The following AHI1 variants were observed in gnomAD, a reference collection of about 807,000 sequenced individuals.
The protein encoded by AHI1 is jouberin.
A neutral mutation model predicts 149.3 loss-of-function variants in AHI1; 123 were observed. The ratio of observed to expected loss-of-function variants is 0.82; its 90% confidence interval spans 0.71 to 0.96. The LOEUF is 0.96. Among genes scored for constraint, AHI1 ranks in the 40% least tolerant of loss-of-function variants. The pLI is 0.00. For synonymous variants in AHI1, 475 were observed against 459.8 expected (o/e 1.03, Z -0.42); for missense variants, 1,439 against 1,422.7 (o/e 1.01, Z -0.18).
chr6:135,470,212 A>T (rs1414175394), intron 5 of AHI1, among the ~76,000 whole-genome samples: 1 of 152,254 alleles, frequency 6.6e-6, no homozygotes, highest in African/African-American at 2.4e-5. Context: ...CAAACATGAT[A>T]AAAAGGTCAA....
At chr6:135,329,036 A>G (rs750129288) in intron 24 of AHI1, among the ~76,000 whole-genome samples, 2 of 152,226 alleles carry the variant, frequency 1.3e-5, no homozygotes, top group Non-Finnish European at 2.9e-5. Flanking sequence ...GCTACAGAAG[A>G]AAAGTTGGAA....
At chr6:135,470,986 T>TA (rs1791598177) in intron 5 of AHI1, among the ~76,000 whole-genome samples, 1 of 152,242 alleles carries the variant, frequency 6.6e-6, no homozygotes, top group African/African-American at 2.4e-5. Context: ...CTTTTATTCA[T>TA]ACCTCAATAA....
chr6:135,432,553 C>T (rs1273904564), intron 16 of AHI1, among the ~76,000 whole-genome samples: 4 of 152,018 alleles, frequency 2.6e-5, no homozygotes, highest in South Asian at 4.1e-4. Context: ...GGTGTTTCAC[C>T]GTGTTAGCCA....
intron 23 of AHI1, among the ~76,000 whole-genome samples, chr6:135,363,597 G>A (rs1178152096): frequency 6.6e-6 from 1 of 151,980 alleles, no homozygotes; most frequent in East Asian, 1.9e-4. Context: ...GCCGGGCAGA[G>A]GGGCTCCTCA....
intron 20 of AHI1, among the ~76,000 whole-genome samples, chr6:135,418,946 T>TC (rs1782760089): frequency 7.0e-6 from 1 of 142,826 alleles, no homozygotes; most frequent in Admixed American, 6.9e-5. Context: ...TACTTATAAT[T>TC]TTTTTTTTTT....
At chr6:135,454,341 C>T (rs1239989479) in intron 10 of AHI1, among the ~76,000 whole-genome samples, 3 of 152,024 alleles carry the variant, frequency 2.0e-5, no homozygotes, top group Non-Finnish European at 4.4e-5. Flanking sequence ...CATGTCAATA[C>T]ATACACATGA....
chr6:135,443,180 CTT>C (rs534853137), intron 13 of AHI1, among the ~76,000 whole-genome samples: 26 of 152,170 alleles, frequency 1.7e-4, no homozygotes, highest in Non-Finnish European at 3.1e-4. Context: ...AAATAATCAC[CTT>C]TTGTGGCTGC....
At chr6:135,305,646 G>C (rs1784452325) in intron 26 of AHI1, among the ~76,000 whole-genome samples, 1 of 152,122 alleles carries the variant, frequency 6.6e-6, no homozygotes, top group Non-Finnish European at 1.5e-5. Flanking sequence ...ATTTCTTTCA[G>C]TAGGCTTTTC....
At chr6:135,313,263 G>A (rs952921132) in intron 26 of AHI1, among the ~76,000 whole-genome samples, 1 of 152,108 alleles carries the variant, frequency 6.6e-6, no homozygotes, top group Non-Finnish European at 1.5e-5. Context: ...ACATTCCTAA[G>A]AGAAAAAAAT....
chr6:135,300,523 T>C lies in AHI1; in HGVS notation c.3462A>G (p.Arg1154=). 4 of 1,609,074 alleles carry C rather than the reference T, an allele frequency of 2.5e-6. No homozygotes were observed. The highest frequency in any genetic ancestry group is 1.3e-5 in the African/African-American group (1 of 74,958). ...ACTGTGTCATAGATTCTGAGCCTAG[T>C]CTGAAGTCCTGGGACTTGTTCTTAT... ...SINKNKSQDF[R]LGSESMTHSE... Residue 1154 remains arginine (R), a synonymous_variant, in exon 27 of 29, where the codon AGA becomes AGG. Transcript: ENST00000265602.
intron 24 of AHI1, among the ~76,000 whole-genome samples, chr6:135,337,625 G>A (rs1274211827): frequency 1.3e-5 from 2 of 151,972 alleles, no homozygotes; most frequent in Non-Finnish European, 2.9e-5. Context: ...AGCTAGGTGT[G>A]GTGGTGTGCA....
intron 15 of AHI1, among the ~76,000 whole-genome samples, chr6:135,433,975 C>T (rs1353549114): frequency 6.6e-6 from 1 of 151,952 alleles, no homozygotes; most frequent in Admixed American, 6.5e-5. Context: ...TAAGGGTTAA[C>T]CTCTTAGATA....
chr6:135,366,063 CAT>C (rs1774127189), intron 23 of AHI1, among the ~76,000 whole-genome samples: 1 of 152,116 alleles, frequency 6.6e-6, no homozygotes, highest in Admixed American at 6.5e-5. Context: ...GAGATGACCA[CAT>C]GACTTTTATT....
chr6:135,432,888 A>T, intron 16 of AHI1, 139 bp downstream of exon 16: 1 of 628,366 alleles, frequency 1.6e-6, no homozygotes, highest in South Asian at 2.1e-5. Context: ...TGTCATATCT[A>T]TCATATGACC....
intron 24 of AHI1, among the ~76,000 whole-genome samples, chr6:135,349,526 T>C (rs1034631184): frequency 1.3e-5 from 2 of 152,178 alleles, no homozygotes; most frequent in Non-Finnish European, 2.9e-5. Context: ...GGCCCTATAG[T>C]GAAGAGACTT....
chr6:135,408,669 T>C (rs1436051857), intron 21 of AHI1, among the ~76,000 whole-genome samples: 1 of 152,046 alleles, frequency 6.6e-6, no homozygotes, highest in Non-Finnish European at 1.5e-5. Flanking sequence ...CCTTGTATAG[T>C]TTAAAACTAA....
intron 20 of AHI1, among the ~76,000 whole-genome samples, chr6:135,422,444 C>A (rs1033654140): frequency 1.3e-5 from 2 of 151,130 alleles, no homozygotes; most frequent in Non-Finnish European, 2.9e-5. Flanking sequence ...AGGTTGAGGC[C>A]GCAGTGAGCT....
intron 20 of AHI1, 121 bp downstream of exon 20, chr6:135,427,046 A>T: frequency 3.1e-6 from 3 of 963,548 alleles, no homozygotes; most frequent in Non-Finnish European, 1.5e-6. Flanking sequence ...TGTGATTCCA[A>T]CATAAGGGCA....
At chr6:135,456,608 T>C (rs1788997409) in intron 9 of AHI1, among the ~76,000 whole-genome samples, 1 of 152,116 alleles carries the variant, frequency 6.6e-6, no homozygotes, top group Non-Finnish European at 1.5e-5. Context: ...TGTAAACCCT[T>C]TGAGTTGTCA....
Sources: gnomAD v4.1 joint callset for allele counts (sites outside exome capture counted in the v4.1 genomes callset) on GRCh38, gnomAD v4.1.1 for gene constraint, MANE v1.5 for transcripts, NCBI Gene and HGNC (gene_info 2026-07-23, HGNC 2026-07-21) for gene names.